PUDP: variants seen among roughly 807,000 people sequenced by gnomAD.
PUDP encodes the protein pseudouridine-5'-phosphatase.
In PUDP, 8 loss-of-function variants were observed where a neutral mutation model predicts 9.4. The observed-to-expected ratio is 0.85, with a 90% CI of 0.50 to 1.53. The LOEUF (loss-of-function observed/expected upper bound fraction) is 1.53. Ranked by LOEUF, PUDP falls within the 40% of genes most tolerant of loss-of-function variation. The probability of loss-of-function intolerance (pLI) is 0.00; values close to 1 mark genes in which losing one functional copy is unlikely to be tolerated. For synonymous variants in PUDP, 99 were observed against 80.7 expected (o/e 1.23, Z -1.22); for missense variants, 188 against 189.7 (o/e 0.99, Z 0.05).
intron 3 of PUDP, among the ~76,000 whole-genome samples, chrX:6,901,527 C>T (rs1927685575): frequency 8.9e-6 from 1 of 112,426 alleles, no homozygotes; most frequent in Non-Finnish European, 1.9e-5. Context: ...AGCCTTTCCA[C>T]TTATTTACAT....
At chrX:7,113,424 G>C (rs893666961) in intron 1 of PUDP, 1 of 113,937 alleles carries the variant, frequency 8.8e-6, no homozygotes, top group East Asian at 2.8e-4. Flanking sequence ...TGGTGTGGGC[G>C]AGTGCGGGGC....
chrX:7,108,484 C>A (rs1203410726), intron 1 of PUDP, among the ~76,000 whole-genome samples: 1 of 110,821 alleles, frequency 9.0e-6, no homozygotes, highest in Non-Finnish European at 1.9e-5. Context: ...TTCCTTCCTC[C>A]CCCTGTGCAC....
intron 3 of PUDP, among the ~76,000 whole-genome samples, chrX:6,848,873 G>A (rs142536109): frequency 2.0e-4 from 23 of 112,378 alleles, no homozygotes; most frequent in Non-Finnish European, 3.8e-4. Context: ...ACAGAACCAT[G>A]AGCCAATTAA....
At chrX:6,782,483 T>C (rs1925580241) in intron 3 of PUDP, among the ~76,000 whole-genome samples, 1 of 111,374 alleles carries the variant, frequency 9.0e-6, no homozygotes, top group Non-Finnish European at 1.9e-5. Flanking sequence ...GGCAGGAGAA[T>C]CACTTGAAGC....
intron 3 of PUDP, among the ~76,000 whole-genome samples, chrX:6,950,054 C>A (rs1263988337): frequency 9.0e-6 from 1 of 111,160 alleles, no homozygotes; most frequent in Non-Finnish European, 1.9e-5. Context: ...ATGATGGAGT[C>A]AGGCTGGGTG....
chrX:6,872,236 C>G (rs1050874365), intron 3 of PUDP, among the ~76,000 whole-genome samples: 1 of 111,562 alleles, frequency 9.0e-6, no homozygotes, highest in Non-Finnish European at 1.9e-5. Context: ...GGCTGTGAGG[C>G]CTCTCTCCTT....
At chrX:6,907,548 C>T (rs1927787276) in intron 3 of PUDP, among the ~76,000 whole-genome samples, 1 of 111,783 alleles carries the variant, frequency 8.9e-6, no homozygotes, top group African/African-American at 3.3e-5. Context: ...TGTCAGTTTC[C>T]ATGGAAGCTC....
At chrX:6,963,543 G>A (rs1928738071) in intron 3 of PUDP, among the ~76,000 whole-genome samples, 1 of 111,709 alleles carries the variant, frequency 9.0e-6, no homozygotes, top group Admixed American at 9.6e-5. Context: ...TGGTTTATGG[G>A]GGAAAAACCC....
chrX:6,862,379 A>G (rs1211640133), intron 3 of PUDP, among the ~76,000 whole-genome samples: 1 of 112,510 alleles, frequency 8.9e-6, no homozygotes, highest in Non-Finnish European at 1.9e-5. Flanking sequence ...CATCTCCTAC[A>G]CATTCAGTTC....
At chrX:7,128,046 A>AT (rs1260492089) in intron 1 of PUDP, among the ~76,000 whole-genome samples, 10 of 111,376 alleles carry the variant, frequency 9.0e-5, no homozygotes, top group South Asian at 7.6e-4. Context: ...CATTTACTAG[A>AT]TTTTTTGTTT....
intron 3 of PUDP, among the ~76,000 whole-genome samples, chrX:6,963,992 C>T (rs1231014876): frequency 1.8e-5 from 2 of 112,008 alleles, no homozygotes; most frequent in African/African-American, 6.5e-5. Context: ...TGCGATTGTT[C>T]AAATCACTCA....
At chrX:7,121,278 C>A (rs1340502044) in intron 1 of PUDP, among the ~76,000 whole-genome samples, 1 of 111,966 alleles carries the variant, frequency 8.9e-6, no homozygotes, top group African/African-American at 3.2e-5. Flanking sequence ...GTGAGGAAAT[C>A]TTCCTGGGAC....
intron 1 of PUDP, among the ~76,000 whole-genome samples, chrX:7,131,002 CA>C (rs1270513598): frequency 6.2e-5 from 7 of 112,116 alleles, no homozygotes; most frequent in Non-Finnish European, 1.3e-4. Flanking sequence ...TTAACGGCAC[CA>C]AGAGTTTTGT....
intron 1 of PUDP, among the ~76,000 whole-genome samples, chrX:7,117,951 C>G (rs751635273): frequency 2.4e-4 from 27 of 113,297 alleles, no homozygotes. Context: ...TGTAGGCACA[C>G]AAGCCACACG....
intron 3 of PUDP, among the ~76,000 whole-genome samples, chrX:6,765,171 T>C (rs972191658): frequency 7.2e-5 from 8 of 110,482 alleles, no homozygotes; most frequent in African/African-American, 2.6e-4. Context: ...TCCCAGCTAC[T>C]TGGGAGGCTG....
chrX:7,078,242 G>A (rs928034453), intron 2 of PUDP, among the ~76,000 whole-genome samples: 11 of 112,394 alleles, frequency 9.8e-5, no homozygotes, highest in Non-Finnish European at 1.7e-4. Context: ...TAACTTATGC[G>A]ACTAGCACAA....
At chrX:7,105,422 A>G (rs1346753693) in intron 2 of PUDP, among the ~76,000 whole-genome samples, 198 bp downstream of exon 2, 5 of 111,754 alleles carry the variant, frequency 4.5e-5, no homozygotes, top group African/African-American at 9.8e-5. Context: ...TATTTTAAGA[A>G]GCTTTTAAAG....
chrX:6,750,862 G>A lies in PUDP; in HGVS notation c.*248-44396C>T, dbSNP rs372860169. Among the ~76,000 whole-genome samples the A allele has an allele frequency of 1.1e-4, 12 of 111,607 alleles. No individual in the cohort carries two copies. In the East Asian group the frequency reaches 2.5e-3, roughly 23 times the overall value. ...CTAGTTCAGAAATACAATTGCGGCC[G>A]GGCTTGGTGGCTCACACCTCCAATC... On this transcript the variant is annotated intron_variant and NMD_transcript_variant, in intron 3 of 3. Coordinates refer to the PUDP transcript ENST00000655425.
intron 3 of PUDP, among the ~76,000 whole-genome samples, chrX:6,784,765 T>C (rs1207253128): frequency 8.9e-6 from 1 of 112,317 alleles, no homozygotes; most frequent in Non-Finnish European, 1.9e-5. Context: ...CTTGGAACAC[T>C]GTTTTTGTCA....
Sources: gnomAD v4.1 joint callset for allele counts (sites outside exome capture counted in the v4.1 genomes callset) on GRCh38, gnomAD v4.1.1 for gene constraint, MANE v1.5 for transcripts, NCBI Gene and HGNC (gene_info 2026-07-23, HGNC 2026-07-21) for gene names.